Variants in ADGRB3 observed in about 807,000 individuals in gnomAD.
The protein encoded by ADGRB3 is brain-specific angiogenesis inhibitor 3.
In ADGRB3, 37 loss-of-function variants were observed where a neutral mutation model predicts 193.4. That is an observed-to-expected ratio of 0.19 (90% CI 0.15 to 0.25). The LOEUF is 0.25. ADGRB3 is among the 10% of genes least tolerant of loss of function. The pLI, the probability that ADGRB3 is intolerant of heterozygous loss-of-function variation, is 1.00. For missense variants in ADGRB3, 1,637 were observed against 1,852.9 expected (o/e 0.88, Z 2.14); for synonymous variants, 690 against 644.2 (o/e 1.07, Z -1.08).
chr6:69,358,531 G>T (rs1434651437), intron 28 of ADGRB3, among the ~76,000 whole-genome samples: 1 of 151,668 alleles, frequency 6.6e-6, no homozygotes. Flanking sequence ...TTTGTTATTG[G>T]TGCCCTTTTC....
At chr6:68,852,391 T>C (rs1025241394) in intron 3 of ADGRB3, among the ~76,000 whole-genome samples, 1 of 151,930 alleles carries the variant, frequency 6.6e-6, no homozygotes, top group Non-Finnish European at 1.5e-5. Context: ...TGAAAAATTA[T>C]AAATACATGG....
At chr6:68,990,374 A>C (rs1255392075) in intron 10 of ADGRB3, among the ~76,000 whole-genome samples, 2 of 152,096 alleles carry the variant, frequency 1.3e-5, no homozygotes, top group Non-Finnish European at 2.9e-5. Flanking sequence ...CAGTGTGTAA[A>C]AATATTACAA....
intron 3 of ADGRB3, among the ~76,000 whole-genome samples, chr6:68,784,448 A>G (rs1184012949): frequency 6.6e-6 from 1 of 152,156 alleles, no homozygotes; most frequent in Non-Finnish European, 1.5e-5. Flanking sequence ...TTAAACTGCT[A>G]TATAATTCCT....
intron 6 of ADGRB3, among the ~76,000 whole-genome samples, chr6:68,945,536 T>A (rs1157994391): frequency 6.6e-6 from 1 of 152,116 alleles, no homozygotes; most frequent in Non-Finnish European, 1.5e-5. Context: ...GCTGTAACAT[T>A]TACATAGAAT....
intron 20 of ADGRB3, among the ~76,000 whole-genome samples, chr6:69,271,899 T>C (rs1767189641): frequency 1.3e-5 from 2 of 152,330 alleles, no homozygotes; most frequent in South Asian, 4.1e-4. Context: ...ATTAAAAACA[T>C]ACGAATTTTT....
At chr6:69,150,994 A>G (rs1157525896) in intron 17 of ADGRB3, among the ~76,000 whole-genome samples, 1 of 152,226 alleles carries the variant, frequency 6.6e-6, no homozygotes, top group African/African-American at 2.4e-5. Context: ...AACAAAGTCC[A>G]CATTATGCTT....
At chr6:69,183,251 A>T (rs541227329) in intron 17 of ADGRB3, among the ~76,000 whole-genome samples, 2 of 152,072 alleles carry the variant, frequency 1.3e-5, no homozygotes, top group African/African-American at 4.8e-5. Context: ...CTTCCTTTCA[A>T]ATTGGAAGCC....
At chr6:68,752,999 T>A (rs964651915) in intron 3 of ADGRB3, among the ~76,000 whole-genome samples, 2 of 152,150 alleles carry the variant, frequency 1.3e-5, no homozygotes, top group Non-Finnish European at 2.9e-5. Context: ...GCATTTGAGG[T>A]AGGGTACATG....
At chr6:68,728,048 T>C (rs1765705166) in intron 3 of ADGRB3, among the ~76,000 whole-genome samples, 1 of 151,578 alleles carries the variant, frequency 6.6e-6, no homozygotes, top group African/African-American at 2.4e-5. Flanking sequence ...TGTACTTGAT[T>C]TGATTTTCTG....
At chr6:69,277,965 A>G (rs1036942045) in intron 20 of ADGRB3, among the ~76,000 whole-genome samples, 11 of 152,206 alleles carry the variant, frequency 7.2e-5, no homozygotes, top group African/African-American at 2.4e-4. Flanking sequence ...TGTTACTGCT[A>G]TTTCATTACT....
chr6:69,383,909 A>G (rs1770006206), intron 31 of ADGRB3, among the ~76,000 whole-genome samples: 2 of 151,912 alleles, frequency 1.3e-5, no homozygotes, highest in South Asian at 4.1e-4. Context: ...TCTTTTCCAG[A>G]CATCAATATT....
chr6:68,830,240 C>T (rs899296551), intron 3 of ADGRB3, among the ~76,000 whole-genome samples: 4 of 152,146 alleles, frequency 2.6e-5, no homozygotes, highest in African/African-American at 9.6e-5. Flanking sequence ...CTGGAAATAT[C>T]TTGCCTTTTA....
chr6:69,137,056 C>CT (rs71548125), intron 17 of ADGRB3, among the ~76,000 whole-genome samples: 1,286 of 80,116 alleles, frequency 0.016, 27 homozygotes, highest in African/African-American at 0.046. Context: ...TCTTTTCTTT[C>CT]TTTTTTTTTT....
chr6:69,347,021 C>T (rs561980566), intron 26 of ADGRB3, among the ~76,000 whole-genome samples: 21 of 152,182 alleles, frequency 1.4e-4, no homozygotes, highest in African/African-American at 3.6e-4. Flanking sequence ...TGGAATACTA[C>T]GCAGCCATAA....
At chr6:68,997,109 G>A (rs1321943557) in intron 11 of ADGRB3, among the ~76,000 whole-genome samples, 1 of 152,104 alleles carries the variant, frequency 6.6e-6, no homozygotes, top group Non-Finnish European at 1.5e-5. Context: ...ATATTTTGAT[G>A]AAAGAGACAT....
chr6:68,692,981 T>A (rs1468287114), intron 3 of ADGRB3, among the ~76,000 whole-genome samples: 1 of 151,098 alleles, frequency 6.6e-6, no homozygotes, highest in Admixed American at 6.6e-5. Flanking sequence ...TAATATATAT[T>A]ATAAATATTA....
intron 17 of ADGRB3, among the ~76,000 whole-genome samples, chr6:69,227,391 G>C (rs1164466449): frequency 6.6e-6 from 1 of 152,148 alleles, no homozygotes; most frequent in African/African-American, 2.4e-5. Context: ...ACCATTGATA[G>C]TTTTCAAAGG....
chr6:69,087,006 T>G (rs1463585502), intron 17 of ADGRB3, among the ~76,000 whole-genome samples: 2 of 152,132 alleles, frequency 1.3e-5, no homozygotes, highest in South Asian at 2.1e-4. Context: ...AGTCTCAGAA[T>G]TCTGTCCAAC....
At chr6:69,351,113 G>GTTTT (rs1769214552) in intron 26 of ADGRB3, among the ~76,000 whole-genome samples, 1 of 130,884 alleles carries the variant, frequency 7.6e-6, no homozygotes. Flanking sequence ...TTTTTTTTGA[G>GTTTT]ACATAGTCTT....
Sources: allele counts gnomAD v4.1 joint callset (sites outside exome capture counted in the v4.1 genomes callset), GRCh38; gene constraint gnomAD v4.1.1; transcripts MANE v1.5; gene names NCBI Gene and HGNC (gene_info 2026-07-23, HGNC 2026-07-21).